KMT2C: variants seen among roughly 807,000 people sequenced by gnomAD.
KMT2C encodes the protein lysine methyltransferase 2C, also known as histone-lysine N-methyltransferase 2C.
Under a neutral mutation model 507.9 loss-of-function variants are expected in KMT2C, and 88 were observed. The ratio of observed to expected loss-of-function variants is 0.17; its 90% CI spans 0.15 to 0.21. KMT2C has a LOEUF of 0.21. KMT2C is among the 10% of genes least tolerant of loss of function. KMT2C has a pLI of 1.00. For missense variants in KMT2C, 4,954 were observed against 5,957.8 expected (o/e 0.83, Z 5.55); for synonymous variants, 2,049 against 2,080.8 (o/e 0.98, Z 0.42).
intron 7 of KMT2C, among the ~76,000 whole-genome samples, chr7:152,268,133 G>A (rs1168177360): frequency 9.2e-5 from 14 of 152,288 alleles, no homozygotes; most frequent in Non-Finnish European, 1.6e-4. Flanking sequence ...TACAAAATTA[G>A]CAGGGTGTGG....
chr7:152,299,238 A>G (rs2096543634), intron 6 of KMT2C, among the ~76,000 whole-genome samples: 1 of 152,008 alleles, frequency 6.6e-6, no homozygotes. Context: ...GAATCGCTTG[A>G]ACCCAGGAGG....
At chr7:152,420,401 T>G (rs1023085892) in intron 1 of KMT2C, among the ~76,000 whole-genome samples, 1 of 152,186 alleles carries the variant, frequency 6.6e-6, no homozygotes, top group Admixed American at 6.6e-5. Context: ...TTAAAGGAGT[T>G]TAGTATTTAT....
At chr7:152,282,493 T>C (rs1168347502) in intron 6 of KMT2C, among the ~76,000 whole-genome samples, 11 of 152,044 alleles carry the variant, frequency 7.2e-5, no homozygotes, top group Non-Finnish European at 1.6e-4. Context: ...CAGAATACTA[T>C]ACATCAATGA....
At chr7:152,435,249 G>C (rs528908524) in intron 1 of KMT2C, among the ~76,000 whole-genome samples, 1 of 152,112 alleles carries the variant, frequency 6.6e-6, no homozygotes, top group African/African-American at 2.4e-5. Flanking sequence ...CCCGGAGTCC[G>C]TCCGGGGACT....
At chr7:152,251,015 T>G (rs762189124) in intron 11 of KMT2C, 49 bp from the exon 12 acceptor site, 1 of 1,042,488 alleles carries the variant, frequency 9.6e-7, no homozygotes, top group Non-Finnish European at 1.5e-6. Flanking sequence ...TTTTTTTCTT[T>G]GTTCATTAAG....
chr7:152,253,444 A>T (rs2095593899), intron 9 of KMT2C, among the ~76,000 whole-genome samples: 1 of 136,640 alleles, frequency 7.3e-6, no homozygotes, highest in African/African-American at 2.7e-5. Context: ...GGAGGCCAAG[A>T]TGGGAGGATC....
intron 7 of KMT2C, among the ~76,000 whole-genome samples, chr7:152,273,371 A>G (rs959427545): frequency 2.0e-5 from 3 of 152,178 alleles, no homozygotes; most frequent in African/African-American, 4.8e-5. Context: ...GTGTTGATTG[A>G]CTTTTTAATA....
At chr7:152,159,354 T>G (rs1179086670) in intron 43 of KMT2C, among the ~76,000 whole-genome samples, 1 of 152,214 alleles carries the variant, frequency 6.6e-6, no homozygotes, top group African/African-American at 2.4e-5. Flanking sequence ...CCCCTCATGC[T>G]GACCTCCCTG....
chr7:152,246,184 A>G (rs2095470354), intron 14 of KMT2C, among the ~76,000 whole-genome samples: 1 of 152,214 alleles, frequency 6.6e-6, no homozygotes, highest in South Asian at 2.1e-4. Flanking sequence ...CCCTAATAAC[A>G]GCACTATATT....
chr7:152,135,532 AAATTTTTGTGTTAAAT>A lies in KMT2C; in HGVS notation c.*1284_*1299del, dbSNP rs1180807169. 1.3e-5 allele frequency: 3 copies of A among 224,806 alleles called. No homozygotes were observed. The highest frequency in any genetic ancestry group is 6.7e-5 in the African/African-American group (3 of 44,792). The allele number at this position is 224,806 out of a possible 1,614,324, so 13.9% of individuals were successfully genotyped here. ...TCTCCTTTTTTTTTTTAACTTTTTC[AAATTTTTGTGTTAAAT>A]AGAAGGCTAAAGGGTTAGATTTAAG... On this transcript the variant is annotated 3_prime_UTR_variant, in exon 59 of 59. Transcript: ENST00000262189.
At position 152,148,334 on chromosome 7, in the gene KMT2C, C is replaced by T. The variant is rs1226698090; in HGVS notation, c.13593G>A (p.Glu4531=). The T allele has an allele frequency of 1.2e-6, 2 of 1,614,256 alleles. No homozygotes were observed. Among genetic ancestry groups the T allele is most frequent in the South Asian group, 1.1e-5 (1 of 91,088 alleles). ...VFRRVYVQRD[E]VRQIASIVQR... ...GCACGATGCTAGCAATCTGTCGCACCTCATCACGCTGAACATAGACCCTCC... is the reference window on the plus strand; with the variant it reads ...GCACGATGCTAGCAATCTGTCGCACTTCATCACGCTGAACATAGACCCTCC... Residue 4531 remains glutamate, a synonymous_variant, in exon 52 of 59, where the codon GAG becomes GAA. Transcript: ENST00000262189. This position sits in a 1 kb window ranked among gnomAD's most constrained non-coding sequence, Gnocchi z 7.1.
At chr7:152,176,007 C>G (rs1412685644) in intron 38 of KMT2C, among the ~76,000 whole-genome samples, 184 bp downstream of exon 38, 1 of 152,170 alleles carries the variant, frequency 6.6e-6, no homozygotes, top group Admixed American at 6.5e-5. Context: ...CGCGCCACTG[C>G]ACTCCATCTT....
intron 1 of KMT2C, among the ~76,000 whole-genome samples, chr7:152,380,471 G>A (rs2097364100): frequency 6.6e-6 from 1 of 151,944 alleles, no homozygotes; most frequent in Non-Finnish European, 1.5e-5. Context: ...GAGAGGCGGA[G>A]ACAGGAGAGT....
chr7:152,305,610 G>T (rs930689400), intron 6 of KMT2C, among the ~76,000 whole-genome samples: 6 of 151,758 alleles, frequency 4.0e-5, no homozygotes, highest in African/African-American at 1.5e-4. Flanking sequence ...GTTAAGTAGA[G>T]CAGTGACATG....
At chr7:152,414,904 A>G (rs1219597753) in intron 1 of KMT2C, among the ~76,000 whole-genome samples, 2 of 151,564 alleles carry the variant, frequency 1.3e-5, no homozygotes, top group African/African-American at 2.4e-5. Flanking sequence ...GCTAGAGTGC[A>G]GTGGCATGAT....
intron 58 of KMT2C, chr7:152,137,446 G>A (rs1038484580): frequency 5.1e-5 from 8 of 156,146 alleles, no homozygotes; most frequent in African/African-American, 1.9e-4. Flanking sequence ...GAGTCTGCGT[G>A]AGTCCCACGG....
At chr7:152,230,768 A>G (rs551872238) in intron 16 of KMT2C, among the ~76,000 whole-genome samples, 2 of 152,338 alleles carry the variant, frequency 1.3e-5, no homozygotes, top group South Asian at 4.1e-4. Flanking sequence ...AATATTTTAG[A>G]TATATCGGTC....
intron 1 of KMT2C, among the ~76,000 whole-genome samples, chr7:152,369,887 G>C (rs967534622): frequency 6.6e-6 from 1 of 151,716 alleles, no homozygotes; most frequent in Non-Finnish European, 1.5e-5. Context: ...AGGAATGAAA[G>C]GGGATTTCAC....
intron 28 of KMT2C, among the ~76,000 whole-genome samples, chr7:152,195,313 T>C (rs2093929961): frequency 6.6e-6 from 1 of 152,148 alleles, no homozygotes; most frequent in African/African-American, 2.4e-5. Context: ...AATTATTCAT[T>C]AAAGAAAAAC....
Sources: gnomAD v4.1 joint callset for allele counts (sites outside exome capture counted in the v4.1 genomes callset) on GRCh38, gnomAD v4.1.1 for gene constraint, Gnocchi (gnomAD v3.1) non-coding constraint, MANE v1.5 for transcripts, NCBI Gene and HGNC (gene_info 2026-07-23, HGNC 2026-07-21) for gene names.